TTC28: variants seen among roughly 807,000 people sequenced by gnomAD.
TTC28 encodes tetratricopeptide repeat domain 28, also known as tetratricopeptide repeat protein 28.
A neutral mutation model predicts 198.0 loss-of-function variants in TTC28; 61 were observed. The observed-to-expected ratio is 0.31, with a 90% confidence interval of 0.25 to 0.38. The LOEUF (loss-of-function observed/expected upper bound fraction) is 0.38, where lower values mean the gene tolerates loss of function less well. Among genes scored for constraint, TTC28 ranks in the 10% least tolerant of loss-of-function variants. The pLI, the probability that TTC28 is intolerant of heterozygous loss-of-function variation, is 1.00. For synonymous variants in TTC28, 1,171 were observed against 1,297.8 expected, an observed-to-expected ratio of 0.90 and a Z score of 2.10; for missense variants, 2,678 against 3,164.0, an observed-to-expected ratio of 0.85 and a Z score of 3.69.
In TTC28 at chr22:27,981,229, AATTTT is replaced by A. The variant is rs1937003139; in HGVS notation, c.*987_*991del. Reference sequence around the variant, plus strand: ...CTGGTTAAATCTAGTTAGCCATGGAAATTTTTTTTTTTTTTTTTTTTTTTTTTTTT... The same window carrying A: ...CTGGTTAAATCTAGTTAGCCATGGAATTTTTTTTTTTTTTTTTTTTTTTTT... On this transcript the variant is annotated 3_prime_UTR_variant, in exon 23 of 23. Coordinates refer to ENST00000397906, the MANE Select transcript of TTC28 (RefSeq NM_001145418.2). 3 of 72,684 alleles carry A rather than the reference AATTTT, an allele frequency of 4.1e-5. No individual in the cohort carries two copies. Among genetic ancestry groups the A allele is most frequent in the African/African-American group, 9.8e-5 (2 of 20,418 alleles). The allele number at this position is 72,684 out of a possible 1,614,324, so 4.5% of individuals were successfully genotyped here. A position where few individuals can be genotyped will look rare whatever the true frequency, so the allele number is the denominator to read the frequency against.
At chr22:28,244,972 A>G (rs1005566948) in intron 5 of TTC28, among the ~76,000 whole-genome samples, 13 of 152,208 alleles carry the variant, frequency 8.5e-5, no homozygotes, top group Non-Finnish European at 1.5e-4. Flanking sequence ...TGCTTGTGTC[A>G]TGCCTACAAG....
Position 28,138,766 on chromosome 22 carries a change from C to T in TTC28, c.1441+24326G>A, listed in dbSNP as rs577603049. On this transcript the variant is annotated intron_variant, in intron 6 of 22. Coordinates refer to ENST00000397906, the MANE Select transcript of TTC28 (RefSeq NM_001145418.2). The stretch of plus-strand genomic sequence containing the variant: ...GCCAGAGTCCTTTATCCCTAGGCAG[C>T]GTTTCCTCTCCAAAACACCAAACAT... Among the ~76,000 whole-genome samples the T allele has an allele frequency of 3.9e-5, 6 of 152,276 alleles. No individual in the cohort carries two copies. In the South Asian group the frequency reaches 6.2e-4, roughly 16 times the overall value.
intron 2 of TTC28, among the ~76,000 whole-genome samples, chr22:28,480,872 G>T (rs889471095): frequency 6.6e-6 from 1 of 152,110 alleles, no homozygotes; most frequent in Non-Finnish European, 1.5e-5. Context: ...TAATTTCAAA[G>T]AATAATCACC....
chr22:28,387,772 A>C (rs2046636011), intron 2 of TTC28, among the ~76,000 whole-genome samples: 1 of 152,020 alleles, frequency 6.6e-6, no homozygotes, highest in Non-Finnish European at 1.5e-5. Context: ...AGGTTGCGAA[A>C]ATTTTCTCCC....
At chr22:28,545,920 T>C (rs1253012677) in intron 2 of TTC28, among the ~76,000 whole-genome samples, 1 of 152,188 alleles carries the variant, frequency 6.6e-6, no homozygotes, top group Non-Finnish European at 1.5e-5. Flanking sequence ...ATCAATAGAA[T>C]TCAATGCAAT....
intron 2 of TTC28, among the ~76,000 whole-genome samples, chr22:28,536,216 A>C (rs145833995): frequency 1.1e-5 from 1 of 92,954 alleles, no homozygotes; most frequent in Non-Finnish European, 2.5e-5. Context: ...AAAAAAAAAA[A>C]AAAACATAAA....
At chr22:28,224,925 A>G (rs1282454394) in intron 5 of TTC28, among the ~76,000 whole-genome samples, 3 of 152,228 alleles carry the variant, frequency 2.0e-5, no homozygotes, top group African/African-American at 7.2e-5. Flanking sequence ...ATACATAACT[A>G]TCACTTAGAA....
At chr22:28,410,990 T>G (rs1246459403) in intron 2 of TTC28, among the ~76,000 whole-genome samples, 1 of 138,260 alleles carries the variant, frequency 7.2e-6, no homozygotes, top group Non-Finnish European at 1.5e-5. Flanking sequence ...ACTGAACAAC[T>G]ATTTCTAAAA....
chr22:28,385,551 G>C (rs952087516), intron 2 of TTC28, among the ~76,000 whole-genome samples: 2 of 151,506 alleles, frequency 1.3e-5, no homozygotes, highest in African/African-American at 4.8e-5. Flanking sequence ...CTACTTTTCA[G>C]GATTATCATG....
chr22:28,303,856 C>CAAAAAAAAAAAAAA (rs202209435), intron 3 of TTC28: 1 of 99,450 alleles, frequency 1.0e-5, no homozygotes. Context: ...CTTTAAAATA[C>CAAAAAAAAAAAAAA]AAAAAAAAAA....
chr22:28,486,985 G>A (rs695318), intron 2 of TTC28, among the ~76,000 whole-genome samples: 81,911 of 152,004 alleles, frequency 0.54, 22,485 homozygotes, highest in South Asian at 0.58. Context: ...TGAGTACAGT[G>A]CGAGACCTTC....
chr22:27,998,855 G>A lies in TTC28; in HGVS notation c.4804C>T (p.Gln1602Ter). The A allele has an allele frequency of 6.5e-7, 1 of 1,550,058 alleles. No individual in the cohort carries two copies. The highest frequency in any genetic ancestry group is 8.7e-7 in the Non-Finnish European group (1 of 1,146,984). ...TCGGCGGCAGTAAGCAGCAGCTCCT[G>A]CAGGGGCGGGCAGTCCGAGATGCTC... ...GESISDCPPL[Q>*]ELLLTAADVL... The change falls in exon 16 of 23, where the codon CAG becomes TAG. Residue 1602 changes from glutamine (Q) to a stop codon, truncating the protein, a stop_gained. Transcript: ENST00000397906. LOFTEE classifies it high-confidence loss of function.
In TTC28 at chr22:27,983,058, A is replaced by C; in HGVS notation, c.6609T>G (p.Thr2203=). 2 of 1,551,734 alleles carry C rather than the reference A, an allele frequency of 1.3e-6. No individual in the cohort carries two copies. Among genetic ancestry groups the C allele is most frequent in the Non-Finnish European group, 1.7e-6 (2 of 1,146,984 alleles). ...PEDGVQAPSS[T]AVFRASETSA... ...TGGTTTCTGACGCTCTGAAGACAGC[A>C]GTGCTGCTGGGCGCCTGAACGCCGT... Residue 2203 remains threonine, a synonymous_variant, in exon 23 of 23, where the codon ACT becomes ACG. Coordinates refer to ENST00000397906, the MANE Select transcript of TTC28 (RefSeq NM_001145418.2).
At chr22:28,645,613 C>T (rs1445715533) in intron 1 of TTC28, among the ~76,000 whole-genome samples, 3 of 141,646 alleles carry the variant, frequency 2.1e-5, no homozygotes, top group East Asian at 2.0e-4. Context: ...GGCAACAGAG[C>T]GAGACTACAT....
intron 2 of TTC28, among the ~76,000 whole-genome samples, chr22:28,477,730 G>C (rs1212371744): frequency 6.6e-6 from 1 of 152,120 alleles, no homozygotes; most frequent in East Asian, 1.9e-4. Context: ...TTGACCAATG[G>C]GATGTCAGCA....
intron 2 of TTC28, among the ~76,000 whole-genome samples, chr22:28,399,304 T>C (rs2146095742): frequency 6.7e-6 from 1 of 150,338 alleles, no homozygotes; most frequent in East Asian, 1.9e-4. Flanking sequence ...TTGTATAAGT[T>C]GAGACTAAAA....
At position 28,225,507 on chromosome 22, in the gene TTC28, G is replaced by A. The variant is rs1928263510; in HGVS notation, c.934-61908C>T. On this transcript the variant is annotated intron_variant, in intron 5 of 22. Transcript: ENST00000397906. ...GGAAATGTCTCCAACTCTTCAAATT[G>A]AGATCAACTTTTCTGCCACGGACAA... is the stretch of plus-strand genomic sequence containing the variant. 3.3e-5 allele frequency among the ~76,000 whole-genome samples: 5 copies of A among 152,112 alleles called. No homozygotes were observed. The South Asian group carries it at 8.3e-4, about 25-fold the overall frequency.
intron 2 of TTC28, among the ~76,000 whole-genome samples, chr22:28,460,607 G>GTAGA (rs4035771): frequency 4.1e-3 from 595 of 144,688 alleles, no homozygotes; most frequent in Middle Eastern, 0.01. Flanking sequence ...ATGATTAATG[G>GTAGA]TAGATAGATA....
At chr22:28,645,517 C>T (rs372844615) in intron 1 of TTC28, among the ~76,000 whole-genome samples, 184 of 151,618 alleles carry the variant, frequency 1.2e-3, no homozygotes, top group Middle Eastern at 3.4e-3. Context: ...GTCCCAGCTT[C>T]TGAGGAGGCT....
Sources: gnomAD v4.1 joint callset for allele counts (sites outside exome capture counted in the v4.1 genomes callset) on GRCh38, gnomAD v4.1.1 for gene constraint, MANE v1.5 for transcripts, NCBI Gene and HGNC (gene_info 2026-07-23, HGNC 2026-07-21) for gene names.